Variants in WDR70 observed in about 807,000 individuals in gnomAD.
WDR70 encodes the protein WD repeat-containing protein 70.
WDR70 carries 53 observed loss-of-function variants against 88.6 expected under a neutral mutation model. That is an observed-to-expected ratio of 0.60 (90% CI 0.48 to 0.75). The LOEUF is 0.75. Among genes scored for constraint, WDR70 ranks in the 30% least tolerant of loss-of-function variants. WDR70 has a pLI of 0.00. For synonymous variants in WDR70, 280 were observed against 270.0 expected (o/e 1.04, Z -0.36); for missense variants, 610 against 823.2 (o/e 0.74, Z 3.17).
At chr5:37,455,550 T>G (rs1265622789) in intron 7 of WDR70, among the ~76,000 whole-genome samples, 3 of 151,512 alleles carry the variant, frequency 2.0e-5, no homozygotes, top group African/African-American at 7.3e-5. Flanking sequence ...TCCTGATTTG[T>G]TTTTTGGGAG....
At chr5:37,560,032 GT>G (rs1436766983) in intron 9 of WDR70, among the ~76,000 whole-genome samples, 4 of 152,064 alleles carry the variant, frequency 2.6e-5, no homozygotes, top group African/African-American at 9.6e-5. Flanking sequence ...GATTTTTAAT[GT>G]TTTTTAGAAT....
intron 9 of WDR70, among the ~76,000 whole-genome samples, chr5:37,547,617 C>A (rs1174436796): frequency 6.6e-6 from 1 of 152,140 alleles, no homozygotes; most frequent in African/African-American, 2.4e-5. Context: ...TCACCTCAAG[C>A]ATTTATCCTT....
chr5:37,645,818 G>A (rs916027757), intron 10 of WDR70, among the ~76,000 whole-genome samples: 1 of 151,948 alleles, frequency 6.6e-6, no homozygotes, highest in African/African-American at 2.4e-5. Context: ...CTATTGGCAT[G>A]GAATATCTTT....
intron 9 of WDR70, among the ~76,000 whole-genome samples, chr5:37,580,517 G>A (rs1382614777): frequency 2.0e-5 from 3 of 152,184 alleles, no homozygotes; most frequent in African/African-American, 7.2e-5. Context: ...AATTCTAGAT[G>A]TTACTTAACT....
intron 10 of WDR70, among the ~76,000 whole-genome samples, chr5:37,632,899 G>C (rs977064584): frequency 1.3e-5 from 2 of 152,136 alleles, no homozygotes; most frequent in African/African-American, 4.8e-5. Context: ...AGCACCATTC[G>C]TGGTAAGTGC....
chr5:37,396,313 T>C (rs575736314), intron 4 of WDR70, 62 bp from the exon 5 acceptor site: 16 of 1,473,412 alleles, frequency 1.1e-5, no homozygotes, highest in Non-Finnish European at 1.3e-5. Context: ...AAATGAATAC[T>C]ATTTCCAAAG....
At chr5:37,618,207 G>A (rs976490517) in intron 10 of WDR70, among the ~76,000 whole-genome samples, 4 of 152,108 alleles carry the variant, frequency 2.6e-5, no homozygotes, top group African/African-American at 4.8e-5. Context: ...AGAGTCAAAT[G>A]TATAAATATA....
intron 8 of WDR70, among the ~76,000 whole-genome samples, chr5:37,498,243 C>T (rs1156632004): frequency 1.3e-5 from 2 of 152,236 alleles, no homozygotes; most frequent in South Asian, 4.1e-4. Flanking sequence ...CTGTAACTCT[C>T]AGTAGCAGTT....
chr5:37,609,316 A>G (rs1581432853), intron 10 of WDR70, among the ~76,000 whole-genome samples: 1 of 152,214 alleles, frequency 6.6e-6, no homozygotes, highest in Non-Finnish European at 1.5e-5. Context: ...ATAATTCAGC[A>G]TGTATAGTCT....
At chr5:37,523,236 G>A in intron 9 of WDR70, among the ~76,000 whole-genome samples, 1 of 152,166 alleles carries the variant, frequency 6.6e-6, no homozygotes, top group East Asian at 1.9e-4. Flanking sequence ...CCCCCAATAG[G>A]GGCAGACTGA....
At chr5:37,581,244 A>G (rs1290923184) in intron 9 of WDR70, among the ~76,000 whole-genome samples, 1 of 138,882 alleles carries the variant, frequency 7.2e-6, no homozygotes, top group Non-Finnish European at 1.5e-5. Flanking sequence ...GGACCCTCAT[A>G]TAGGGAACAC....
At chr5:37,669,400 TAAA>T (rs68145326) in intron 10 of WDR70, among the ~76,000 whole-genome samples, 16 of 149,098 alleles carry the variant, frequency 1.1e-4, no homozygotes, top group South Asian at 4.2e-4. Context: ...ATCTTTTTTT[TAAA>T]AAAAAAAAAA....
chr5:37,379,604 A>C, intron 2 of WDR70, 50 bp downstream of exon 2: 1 of 1,597,384 alleles, frequency 6.3e-7, no homozygotes, highest in Non-Finnish European at 8.6e-7. Flanking sequence ...AGAGGTTTGA[A>C]GATCCGCAGA....
At chr5:37,749,540 T>A (rs1255173943) in intron 17 of WDR70, among the ~76,000 whole-genome samples, 1 of 151,212 alleles carries the variant, frequency 6.6e-6, no homozygotes, top group Non-Finnish European at 1.5e-5. Flanking sequence ...ATTCTGCACA[T>A]GTATCCTGTT....
intron 17 of WDR70, among the ~76,000 whole-genome samples, chr5:37,742,689 A>G (rs1748519849): frequency 1.3e-5 from 2 of 152,294 alleles, no homozygotes; most frequent in South Asian, 2.1e-4. Flanking sequence ...TATGAGTTAT[A>G]TAGTTTTATC....
chr5:37,380,011 A>C (rs1168736651), intron 2 of WDR70, among the ~76,000 whole-genome samples: 1 of 152,236 alleles, frequency 6.6e-6, no homozygotes, highest in African/African-American at 2.4e-5. Context: ...AGGTTATACC[A>C]AAGTTAACAG....
At chr5:37,461,443 A>G (rs1304073236) in intron 7 of WDR70, among the ~76,000 whole-genome samples, 3 of 151,790 alleles carry the variant, frequency 2.0e-5, no homozygotes, top group Non-Finnish European at 4.4e-5. Context: ...TGTGTTGGGG[A>G]GTCTCTCCTC....
chr5:37,596,706 T>C (rs1402300938), intron 9 of WDR70, among the ~76,000 whole-genome samples: 2 of 152,220 alleles, frequency 1.3e-5, no homozygotes, highest in Admixed American at 1.3e-4. Flanking sequence ...TTGATATTTA[T>C]CACATATATA....
At position 37,446,219 on chromosome 5, in the gene WDR70, A is replaced by C. The variant is rs1309615900; in HGVS notation, c.686+2847A>C. Among the ~76,000 whole-genome samples the C allele has an allele frequency of 4.6e-5, 7 of 152,330 alleles. No homozygotes were observed. The East Asian group carries it at 1.4e-3, about 29-fold the overall frequency. On this transcript the variant is annotated intron_variant, in intron 7 of 17. Coordinates refer to ENST00000265107, the MANE Select transcript of WDR70 (RefSeq NM_018034.4). ...TTCAAAGAGAATGAAATACCTAGGA[A>C]TGCAACTTACAAGGGATGTGAAGGA...
Sources: allele counts gnomAD v4.1 joint callset (sites outside exome capture counted in the v4.1 genomes callset), GRCh38; gene constraint gnomAD v4.1.1; transcripts MANE v1.5; gene names NCBI Gene and HGNC (gene_info 2026-07-23, HGNC 2026-07-21).